The following GTF2F2 variants were observed in gnomAD, a reference collection of about 807,000 sequenced individuals.
GTF2F2 encodes the protein general transcription factor IIF subunit 2, also known as ATP-dependent helicase GTF2F2.
GTF2F2 carries 23 observed loss-of-function variants against 42.2 expected under a neutral mutation model. The ratio of observed to expected loss-of-function variants is 0.55; its 90% CI spans 0.39 to 0.77. The LOEUF (loss-of-function observed/expected upper bound fraction) is 0.77. Ranked by LOEUF, GTF2F2 falls within the 30% of genes least tolerant of loss-of-function variation. The probability of loss-of-function intolerance (pLI) is 0.00; values close to 1 mark genes in which losing one functional copy is unlikely to be tolerated. For synonymous variants in GTF2F2, 105 were observed against 100.8 expected, an observed-to-expected ratio of 1.04 and a Z score of -0.25; for missense variants, 261 against 287.2, an observed-to-expected ratio of 0.91 and a Z score of 0.66.
intron 4 of GTF2F2, among the ~76,000 whole-genome samples, chr13:45,152,104 G>A (rs1422583094): frequency 4.0e-5 from 6 of 151,794 alleles, no homozygotes; most frequent in Non-Finnish European, 8.8e-5. Context: ...TAGTAGAGAC[G>A]AGGTTTCTCC....
chr13:45,223,405 T>G (rs896069058), intron 5 of GTF2F2, among the ~76,000 whole-genome samples: 2 of 152,118 alleles, frequency 1.3e-5, no homozygotes, highest in Non-Finnish European at 2.9e-5. Flanking sequence ...TTTATAAATC[T>G]GTTGTTTACC....
chr13:45,215,306 C>A (rs1465632631), intron 5 of GTF2F2, among the ~76,000 whole-genome samples: 2 of 152,124 alleles, frequency 1.3e-5, no homozygotes, highest in Non-Finnish European at 2.9e-5. Context: ...AAACAGGATA[C>A]TTTTGAGAAT....
At chr13:45,128,463 C>T (rs1220930009) in intron 1 of GTF2F2, among the ~76,000 whole-genome samples, 3 of 150,960 alleles carry the variant, frequency 2.0e-5, no homozygotes, top group Non-Finnish European at 4.4e-5. Flanking sequence ...ATCCCAACTA[C>T]TCGGGAGGCT....
At chr13:45,229,995 C>T (rs1057208480) in intron 5 of GTF2F2, among the ~76,000 whole-genome samples, 24 of 152,004 alleles carry the variant, frequency 1.6e-4, no homozygotes, top group African/African-American at 4.8e-4. Flanking sequence ...GTGGGCAGAT[C>T]GCTTGAGGTC....
intron 4 of GTF2F2, among the ~76,000 whole-genome samples, chr13:45,187,986 A>G (rs1360892860): frequency 6.6e-6 from 1 of 152,162 alleles, no homozygotes; most frequent in Non-Finnish European, 1.5e-5. Context: ...TCAGCTTGCT[A>G]TAACCACCTC....
At chr13:45,283,391 T>C (rs771569374) in intron 7 of GTF2F2, 51 bp from the exon 8 acceptor site, 2 of 1,540,512 alleles carry the variant, frequency 1.3e-6, no homozygotes, top group South Asian at 2.4e-5. Flanking sequence ...TTTTAAGTTT[T>C]GTCCCCTGCA....
At chr13:45,190,104 C>T (rs1486453675) in intron 4 of GTF2F2, among the ~76,000 whole-genome samples, 1 of 152,062 alleles carries the variant, frequency 6.6e-6, no homozygotes, top group African/African-American at 2.4e-5. Flanking sequence ...ATCTATCCAT[C>T]TGACAAATGG....
chr13:45,194,766 C>T (rs1872809510), intron 4 of GTF2F2: 11 of 572,600 alleles, frequency 1.9e-5, no homozygotes, highest in Middle Eastern at 4.6e-4. Context: ...TGGAGTAAGA[C>T]GGAAAAGAGA....
intron 2 of GTF2F2, among the ~76,000 whole-genome samples, chr13:45,144,264 T>A (rs1331712139): frequency 6.7e-6 from 1 of 148,156 alleles, no homozygotes; most frequent in Non-Finnish European, 1.5e-5. Context: ...AAAAAAAAAA[T>A]TAGTTTATAG....
intron 5 of GTF2F2, among the ~76,000 whole-genome samples, chr13:45,224,096 AC>A (rs1275851970): frequency 6.6e-6 from 1 of 152,194 alleles, no homozygotes; most frequent in Non-Finnish European, 1.5e-5. Flanking sequence ...TCATATGAAT[AC>A]CCATTTTTTG....
In GTF2F2 at chr13:45,246,970, G is replaced by A. The variant is rs962406187; in HGVS notation, c.387-5901G>A. On this transcript the variant is annotated intron_variant, in intron 5 of 7. Coordinates refer to ENST00000340473, the MANE Select transcript of GTF2F2 (RefSeq NM_004128.3). Reference sequence around the variant, plus strand: ...GGAGAATGGTGTGAACCCGGGAGGCGGAGCTTGCAGTGAGCCGAGATAAGC... The same window carrying A: ...GGAGAATGGTGTGAACCCGGGAGGCAGAGCTTGCAGTGAGCCGAGATAAGC... Among the ~76,000 whole-genome samples, 7 of 151,582 alleles carry A rather than the reference G, an allele frequency of 4.6e-5. No homozygotes were observed. In the South Asian group the frequency reaches 1.0e-3, roughly 23 times the overall value.
At chr13:45,127,936 G>A in intron 1 of GTF2F2, among the ~76,000 whole-genome samples, 1 of 86,038 alleles carries the variant, frequency 1.2e-5, no homozygotes, top group African/African-American at 4.9e-5. Flanking sequence ...TGGCACCCCG[G>A]CCTTTTTTTT....
chr13:45,272,444 A>C (rs993072606), intron 7 of GTF2F2, among the ~76,000 whole-genome samples: 6 of 138,702 alleles, frequency 4.3e-5, no homozygotes, highest in East Asian at 2.0e-4. Flanking sequence ...AAAAAAACAA[A>C]AAAAAAAAAC....
At chr13:45,181,194 A>C (rs954081582) in intron 4 of GTF2F2, among the ~76,000 whole-genome samples, 1 of 150,652 alleles carries the variant, frequency 6.6e-6, no homozygotes, top group Admixed American at 6.6e-5. Flanking sequence ...ACAAACAAAA[A>C]AAAAAAAAAC....
At chr13:45,191,222 A>ATATATATATATATATAT (rs1555267758) in intron 4 of GTF2F2, among the ~76,000 whole-genome samples, 8 of 69,956 alleles carry the variant, frequency 1.1e-4, no homozygotes, top group African/African-American at 6.5e-4. Context: ...ATACAAAAAA[A>ATATATATATATATATAT]AAATATATAT....
chr13:45,181,173 C>CA lies in GTF2F2; in HGVS notation c.305-26244dup, dbSNP rs796598856. On this transcript the variant is annotated intron_variant, in intron 4 of 7. Transcript: ENST00000340473. ...CAGAGTGAGACCCTGTCTCAAAAGA[C>CA]AAAAAAACAAACAAACAAAAAAAAA... 1.8e-4 allele frequency among the ~76,000 whole-genome samples: 15 copies of CA among 82,320 alleles called. 1 individual carries two copies. The highest frequency in any genetic ancestry group is 3.4e-4 in the Admixed American group (3 of 8,890). The allele number at this position is 82,320 out of a possible 152,430, so 54.0% of individuals were successfully genotyped here. A position where few individuals can be genotyped will look rare whatever the true frequency, so the allele number is the denominator to read the frequency against.
chr13:45,233,848 G>A (rs1246811064), intron 5 of GTF2F2, among the ~76,000 whole-genome samples: 2 of 152,152 alleles, frequency 1.3e-5, no homozygotes, highest in Non-Finnish European at 2.9e-5. Context: ...AGGAGGCCGA[G>A]GTTGCAGTGA....
intron 4 of GTF2F2, among the ~76,000 whole-genome samples, chr13:45,162,399 A>G (rs1871081275): frequency 6.6e-6 from 1 of 152,204 alleles, no homozygotes. Context: ...AACATTTGGA[A>G]TCATACCAGC....
At chr13:45,227,398 T>G (rs1254583229) in intron 5 of GTF2F2, among the ~76,000 whole-genome samples, 2 of 152,190 alleles carry the variant, frequency 1.3e-5, no homozygotes, top group Non-Finnish European at 2.9e-5. Context: ...AGAGCAAAAT[T>G]CAGCATTGAA....
Sources: allele counts gnomAD v4.1 joint callset (sites outside exome capture counted in the v4.1 genomes callset), GRCh38; gene constraint gnomAD v4.1.1; transcripts MANE v1.5; gene names NCBI Gene and HGNC (gene_info 2026-07-23, HGNC 2026-07-21).